MCOLN2: variants seen among roughly 807,000 people sequenced by gnomAD.
The protein encoded by MCOLN2 is mucolipin TRP cation channel 2.
MCOLN2 carries 57 observed loss-of-function variants against 67.5 expected under a neutral mutation model. The ratio of observed to expected loss-of-function variants is 0.84; its 90% CI spans 0.68 to 1.05. MCOLN2 has a LOEUF of 1.05. MCOLN2 is among the 50% of genes least tolerant of loss of function. The probability of loss-of-function intolerance (pLI) is 0.00; values close to 1 mark genes in which losing one functional copy is unlikely to be tolerated. For synonymous variants in MCOLN2, 246 were observed against 233.3 expected, an observed-to-expected ratio of 1.05 and a Z score of -0.50; for missense variants, 620 against 678.8, an observed-to-expected ratio of 0.91 and a Z score of 0.96.
chr1:84,973,210 C>T (rs1403935468), intron 1 of MCOLN2, among the ~76,000 whole-genome samples: 1 of 152,206 alleles, frequency 6.6e-6, no homozygotes, highest in East Asian at 1.9e-4. Flanking sequence ...GACACAGTGG[C>T]TCATGTCTGT....
chr1:84,956,287 G>A (rs1648787181), intron 4 of MCOLN2, 144 bp downstream of exon 4: 1 of 703,272 alleles, frequency 1.4e-6, no homozygotes, highest in East Asian at 2.8e-5. Flanking sequence ...AAGCCCCTCT[G>A]CAGGCCAGTG....
chr1:84,960,033 T>TA (rs1025802078), intron 2 of MCOLN2, among the ~76,000 whole-genome samples: 12 of 152,248 alleles, frequency 7.9e-5, no homozygotes, highest in African/African-American at 2.2e-4. Flanking sequence ...AACCTGTCTC[T>TA]AAAAAAATAA....
intron 1 of MCOLN2, among the ~76,000 whole-genome samples, chr1:84,990,504 G>A (rs577199587): frequency 1.3e-5 from 2 of 152,080 alleles, no homozygotes; most frequent in South Asian, 4.2e-4. Flanking sequence ...TAATGAGTTA[G>A]TTATAGAAAT....
chr1:84,987,523 T>TA lies in MCOLN2; in HGVS notation c.77+9272_77+9273insT, dbSNP rs1557665738. 2.4e-4 allele frequency among the ~76,000 whole-genome samples: 9 copies of TA among 37,392 alleles called. 2 individuals carry two copies. The highest frequency in any genetic ancestry group is 5.0e-4 in the African/African-American group (7 of 13,972). The allele number at this position is 37,392 out of a possible 152,430, so 24.5% of individuals were successfully genotyped here. A position where few individuals can be genotyped will look rare whatever the true frequency, so the allele number is the denominator to read the frequency against. On this transcript the variant is annotated intron_variant, in intron 1 of 13. Coordinates refer to ENST00000370608, the MANE Select transcript of MCOLN2 (RefSeq NM_153259.4). Reference sequence around the variant, plus strand: ...ACATAGATGTATACATATGTATATATGTATACATCTATGTATACATAGATG... The same window carrying TA: ...ACATAGATGTATACATATGTATATATAGTATACATCTATGTATACATAGATG...
Position 84,926,647 on chromosome 1 carries a change from A to G in MCOLN2, c.*38T>C. 6.6e-7 allele frequency: 1 copy of G among 1,521,166 alleles called. No homozygotes were observed. The allele number at this position is 1,521,166 out of a possible 1,614,324, so 94.2% of individuals were successfully genotyped here. ...TGGGGTTCCTCTGCTCAGCCGCTGG[A>G]TAAGGATGCCTGAACTTTAATCATC... On this transcript the variant is annotated 3_prime_UTR_variant, in exon 14 of 14. Coordinates refer to ENST00000370608, the MANE Select transcript of MCOLN2 (RefSeq NM_153259.4).
chr1:84,986,565 T>G (rs1650516268), intron 1 of MCOLN2, among the ~76,000 whole-genome samples: 1 of 145,576 alleles, frequency 6.9e-6, no homozygotes, highest in South Asian at 2.2e-4. Flanking sequence ...AAAAAAAGCT[T>G]CTGCACAGCA....
chr1:84,977,059 C>T (rs1650023698), intron 1 of MCOLN2, among the ~76,000 whole-genome samples: 1 of 151,488 alleles, frequency 6.6e-6, no homozygotes, highest in East Asian at 1.9e-4. Context: ...ATAGACAGTA[C>T]AATAAGATAT....
intron 9 of MCOLN2, 77 bp downstream of exon 9, chr1:84,939,476 A>G (rs568685976): frequency 7.1e-7 from 1 of 1,416,610 alleles, no homozygotes; most frequent in South Asian, 1.2e-5. Flanking sequence ...TGGTCTCCAA[A>G]GGATGGTACG....
At chr1:84,933,885 G>C (rs1034317519) in intron 11 of MCOLN2, among the ~76,000 whole-genome samples, 28 of 152,140 alleles carry the variant, frequency 1.8e-4, no homozygotes, top group Non-Finnish European at 4.0e-4. Flanking sequence ...GTGAACATGA[G>C]AATTATTTTA....
intron 1 of MCOLN2, among the ~76,000 whole-genome samples, chr1:84,978,798 A>AT (rs1470226683): frequency 2.6e-5 from 4 of 151,900 alleles, no homozygotes; most frequent in African/African-American, 9.7e-5. Context: ...ATATGTGTAT[A>AT]AATATATATA....
intron 8 of MCOLN2, 64 bp from the exon 9 acceptor site, chr1:84,939,766 A>C: frequency 6.6e-7 from 1 of 1,519,718 alleles, no homozygotes; most frequent in East Asian, 2.3e-5. Context: ...GAAGAAGGCA[A>C]GTGCAAAACA....
At chr1:84,951,166 G>A (rs79400883) in intron 6 of MCOLN2, among the ~76,000 whole-genome samples, 3,397 of 152,200 alleles carry the variant, frequency 0.022, 150 homozygotes, top group African/African-American at 0.077. Context: ...TCGTTTACTT[G>A]TTTTTCTGTT....
At chr1:84,956,919 C>G (rs917975986) in intron 3 of MCOLN2, among the ~76,000 whole-genome samples, 2 of 152,292 alleles carry the variant, frequency 1.3e-5, no homozygotes, top group South Asian at 2.1e-4. Context: ...GGAGCTCACA[C>G]GCATATTTTT....
Position 84,952,238 on chromosome 1 carries a change from C to T in MCOLN2, c.747+5G>A, listed in dbSNP as rs1453592620. The T allele has an allele frequency of 6.9e-6, 11 of 1,594,526 alleles. No homozygotes were observed. Among genetic ancestry groups the T allele is most frequent in the East Asian group, 6.7e-5 (3 of 44,704 alleles). On this transcript the variant is annotated splice_donor_5th_base_variant and intron_variant, in intron 6 of 13. Coordinates refer to ENST00000370608, the MANE Select transcript of MCOLN2 (RefSeq NM_153259.4). ...GGAAGTAGCTAGTAAAACAAAGATA[C>T]TTGCCGTATTCTGAAAGACATAACA...
chr1:84,987,208 C>A (rs918000885), intron 1 of MCOLN2, among the ~76,000 whole-genome samples: 11 of 103,798 alleles, frequency 1.1e-4, no homozygotes, highest in African/African-American at 2.7e-4. Flanking sequence ...ATCTATCTAT[C>A]TATATATATG....
chr1:84,993,617 G>GA (rs34930089), intron 1 of MCOLN2, among the ~76,000 whole-genome samples: 2 of 1,668 alleles, frequency 1.2e-3, no homozygotes, highest in East Asian at 0.011. Flanking sequence ...CTTAAATAAT[G>GA]TCTTTTTTTT....
chr1:84,935,982 C>T (rs1235377557), intron 11 of MCOLN2, among the ~76,000 whole-genome samples: 1 of 152,160 alleles, frequency 6.6e-6, no homozygotes, highest in Non-Finnish European at 1.5e-5. Flanking sequence ...TTAGATAATA[C>T]CAAGAAAAGC....
At chr1:84,940,118 C>T (rs994157707) in intron 8 of MCOLN2, among the ~76,000 whole-genome samples, 21 of 151,738 alleles carry the variant, frequency 1.4e-4, no homozygotes, top group African/African-American at 4.8e-4. Context: ...AGAGTGCGTG[C>T]TCCAAATATG....
chr1:84,978,611 A>C (rs1650107325), intron 1 of MCOLN2, among the ~76,000 whole-genome samples: 1 of 152,132 alleles, frequency 6.6e-6, no homozygotes, highest in Non-Finnish European at 1.5e-5. Context: ...AATATAGAAG[A>C]AATGGACACA....
Sources: allele counts gnomAD v4.1 joint callset (sites outside exome capture counted in the v4.1 genomes callset), GRCh38; gene constraint gnomAD v4.1.1; transcripts MANE v1.5; gene names NCBI Gene and HGNC (gene_info 2026-07-23, HGNC 2026-07-21).